LARP1B: variants seen among roughly 807,000 people sequenced by gnomAD.
The protein encoded by LARP1B is la-related protein 1B.
In LARP1B, 76 loss-of-function variants were observed where a neutral mutation model predicts 114.2. That is an observed-to-expected ratio of 0.67 (90% CI 0.55 to 0.81). The LOEUF is 0.81. Ranked by LOEUF, LARP1B falls within the 30% of genes least tolerant of loss-of-function variation. LARP1B has a pLI of 0.00. For synonymous variants in LARP1B, 345 were observed against 348.0 expected, an observed-to-expected ratio of 0.99 and a Z score of 0.10; for missense variants, 1,014 against 1,075.8, an observed-to-expected ratio of 0.94 and a Z score of 0.80.
intron 11 of LARP1B, among the ~76,000 whole-genome samples, chr4:128,154,994 G>C (rs903317622): frequency 6.6e-6 from 1 of 152,018 alleles, no homozygotes; most frequent in East Asian, 1.9e-4. Flanking sequence ...GGCTCCTCTC[G>C]AACTCTTGAC....
chr4:128,098,084 A>G (rs966387196), intron 7 of LARP1B, 102 bp from the exon 8 acceptor site: 3 of 918,418 alleles, frequency 3.3e-6, no homozygotes, highest in African/African-American at 1.7e-5. Context: ...CCAAATTACA[A>G]TATTTTCATG....
At chr4:128,122,992 G>A (rs1411636309) in intron 11 of LARP1B, 2 of 983,918 alleles carry the variant, frequency 2.0e-6, no homozygotes, top group Non-Finnish European at 2.4e-6. Flanking sequence ...GTATAATAAG[G>A]GAAAATTATA....
intron 7 of LARP1B, chr4:128,222,330 G>T (rs915600193): frequency 8.8e-6 from 4 of 456,106 alleles, no homozygotes; most frequent in Non-Finnish European, 1.8e-5. Context: ...TAACAATTTT[G>T]CTTATTATGT....
At chr4:128,138,005 A>G (rs2150175319) in intron 11 of LARP1B, among the ~76,000 whole-genome samples, 1 of 152,188 alleles carries the variant, frequency 6.6e-6, no homozygotes, top group African/African-American at 2.4e-5. Flanking sequence ...GAATATGCAT[A>G]ATCTTCTCTT....
At position 128,189,324 on chromosome 4, in the gene LARP1B, CTTTTTTTTTTTT is replaced by C. The variant is rs70966089; in HGVS notation, c.2003+9827_2003+9838del. 1.6e-3 allele frequency among the ~76,000 whole-genome samples: 11 copies of C among 6,822 alleles called. 1 individual carries two copies. In the South Asian group the frequency reaches 0.044, roughly 27 times the overall value. The allele number at this position is 6,822 out of a possible 152,430, so 4.5% of individuals were successfully genotyped here. The stretch of plus-strand genomic sequence containing the variant: ...ATTTTGTTTGATACAAGTATGGCTA[CTTTTTTTTTTTT>C]TTTTTTTTTTTTTTGCTTCCATTTG... On this transcript the variant is annotated intron_variant, in intron 15 of 19. Coordinates refer to ENST00000326639, the MANE Select transcript of LARP1B (RefSeq NM_018078.4).
intron 12 of LARP1B, among the ~76,000 whole-genome samples, chr4:128,166,991 TATACACACACAC>T (rs1741300597): frequency 7.2e-6 from 1 of 138,396 alleles, no homozygotes; most frequent in Non-Finnish European, 1.5e-5. Context: ...TATATATATA[TATACACACACAC>T]ATATATATAC....
chr4:128,121,956 G>T lies in LARP1B; in HGVS notation c.1292G>T (p.Trp431Leu), dbSNP rs1280459101. The T allele has an allele frequency of 1.2e-6, 2 of 1,612,684 alleles. No homozygotes were observed. The highest frequency in any genetic ancestry group is 1.1e-5 in the South Asian group (1 of 90,978). ...QIGRKNTFTDWSDNDSDYEID... is the reference protein window; with the variant it reads ...QIGRKNTFTDLSDNDSDYEID... The stretch of plus-strand genomic sequence containing the variant: ...GGACGAAAAAACACATTTACTGATT[G>T]GTCTGATAATGATTCAGATTATGAA... The change falls in exon 11 of 20, where the codon TGG becomes TTG. Residue 431 changes from tryptophan (W) to leucine (L), a missense_variant. Physicochemically the swap from Trp to Leu is moderately conservative, Grantham distance 61 (BLOSUM62 -2). Coordinates refer to ENST00000326639, the MANE Select transcript of LARP1B (RefSeq NM_018078.4).
chr4:128,142,159 C>T (rs1439214939), intron 11 of LARP1B, among the ~76,000 whole-genome samples: 1 of 152,182 alleles, frequency 6.6e-6, no homozygotes, highest in East Asian at 1.9e-4. Context: ...CTGGCAAAGC[C>T]TGTTCTTGAC....
In LARP1B at chr4:128,108,828, A is replaced by G. The variant is rs893073651; in HGVS notation, c.988+1515A>G. On this transcript the variant is annotated intron_variant, in intron 9 of 19. Coordinates refer to ENST00000326639, the MANE Select transcript of LARP1B (RefSeq NM_018078.4). Reference sequence around the variant, plus strand: ...ATACTTTCTCTGCAGGGTAGGTAAGATAGGTCAGTCAAGTTGGTAATGCCT... The same window carrying G: ...ATACTTTCTCTGCAGGGTAGGTAAGGTAGGTCAGTCAAGTTGGTAATGCCT... 10 of 983,830 alleles carry G rather than the reference A, an allele frequency of 1.0e-5. No homozygotes were observed. In the South Asian group the frequency reaches 3.3e-4, roughly 32 times the overall value. 60.9% of individuals were successfully genotyped at this position (983,830 alleles called of 1,614,324 possible).
rs748229601 is a variant in LARP1B, at chr4:128,091,035, AGAT to A, written c.396_398del (p.Asp133del). On this transcript the variant is annotated inframe_deletion, in exon 6 of 20. Coordinates refer to ENST00000326639, the MANE Select transcript of LARP1B (RefSeq NM_018078.4). The stretch of plus-strand genomic sequence containing the variant: ...GAGATAGAGAAAAAAGGGATGATCA[AGAT>A]GACGTTTCCAGTGTGAGAAGTGAGG... 6 of 1,613,150 alleles carry A rather than the reference AGAT, an allele frequency of 3.7e-6. No individual in the cohort carries two copies. In the African/African-American group the frequency reaches 8.0e-5, roughly 22 times the overall value.
At chr4:128,071,940 ACAGTTATTTC>A in intron 1 of LARP1B, among the ~76,000 whole-genome samples, 1 of 152,212 alleles carries the variant, frequency 6.6e-6, no homozygotes, top group South Asian at 2.1e-4. Flanking sequence ...TTAACTATTT[ACAGTTATTTC>A]CTTGTAGGTC....
At chr4:128,195,427 C>T (rs1447022080) in intron 15 of LARP1B, among the ~76,000 whole-genome samples, 1 of 152,126 alleles carries the variant, frequency 6.6e-6, no homozygotes, top group African/African-American at 2.4e-5. Flanking sequence ...CCTTCTGGCT[C>T]CCTGTGATAA....
chr4:128,098,389 A>C, intron 8 of LARP1B, 59 bp downstream of exon 8: 2 of 1,433,604 alleles, frequency 1.4e-6, no homozygotes, highest in Non-Finnish European at 9.6e-7. Flanking sequence ...TTGTACCTAA[A>C]ACTTCTCTGA....
downstream of LARP1B, among the ~76,000 whole-genome samples, chr4:128,213,307 T>C (rs551253197): frequency 6.6e-6 from 1 of 152,322 alleles, no homozygotes; most frequent in African/African-American, 2.4e-5. Context: ...ATCAGGTCAC[T>C]AATGAGCAAT....
chr4:128,087,901 A>T (rs1486481188), intron 5 of LARP1B, among the ~76,000 whole-genome samples: 1 of 152,054 alleles, frequency 6.6e-6, no homozygotes, highest in Non-Finnish European at 1.5e-5. Context: ...AGAAAAATTG[A>T]CTTTTTTTCT....
At chr4:128,153,077 G>A (rs1234084706) in intron 11 of LARP1B, among the ~76,000 whole-genome samples, 4 of 147,566 alleles carry the variant, frequency 2.7e-5, no homozygotes, top group African/African-American at 1.0e-4. Flanking sequence ...CCACCTCCTG[G>A]GTTCAAGCGA....
At chr4:128,138,376 G>A (rs1230706177) in intron 11 of LARP1B, among the ~76,000 whole-genome samples, 1 of 151,924 alleles carries the variant, frequency 6.6e-6, no homozygotes, top group Non-Finnish European at 1.5e-5. Context: ...AAAATGGAGT[G>A]GAAAAGAAAG....
At position 128,211,301 on chromosome 4, in the gene LARP1B, G is replaced by A; in HGVS notation, c.*1248G>A. The A allele has an allele frequency of 2.1e-6, 2 of 969,794 alleles. No homozygotes were observed. Among genetic ancestry groups the A allele is most frequent in the Non-Finnish European group, 2.5e-6 (2 of 815,772 alleles). The allele number at this position is 969,794 out of a possible 1,614,324, so 60.1% of individuals were successfully genotyped here. A position where few individuals can be genotyped will look rare whatever the true frequency, so the allele number is the denominator to read the frequency against. On this transcript the variant is annotated 3_prime_UTR_variant, in exon 20 of 20. Transcript: ENST00000326639. ...AATTTACAGATATTTTGTTGTATTG[G>A]CAAAAGCAAGTGGTTTCCATATGCT...
At chr4:128,145,070 C>A (rs1729733267) in intron 11 of LARP1B, among the ~76,000 whole-genome samples, 1 of 152,146 alleles carries the variant, frequency 6.6e-6, no homozygotes, top group Non-Finnish European at 1.5e-5. Context: ...TCATCTTCCT[C>A]TGAAGGATGT....
Sources: allele counts gnomAD v4.1 joint callset (sites outside exome capture counted in the v4.1 genomes callset), GRCh38; gene constraint gnomAD v4.1.1; transcripts MANE v1.5; gene names NCBI Gene and HGNC (gene_info 2026-07-23, HGNC 2026-07-21).